MYO5B: variants seen among roughly 807,000 people sequenced by gnomAD.
MYO5B encodes the protein myosin VB, also known as unconventional myosin-Vb.
Under a neutral mutation model 229.3 loss-of-function variants are expected in MYO5B, and 143 were observed. The observed-to-expected ratio is 0.62, with a 90% CI of 0.54 to 0.72. The LOEUF (loss-of-function observed/expected upper bound fraction) is 0.72, where lower values mean the gene tolerates loss of function less well. MYO5B is among the 30% of genes least tolerant of loss of function. The pLI is 0.00. For missense variants in MYO5B, 2,321 were observed against 2,331.0 expected, an observed-to-expected ratio of 1.00 and a Z score of 0.09; for synonymous variants, 918 against 885.2, an observed-to-expected ratio of 1.04 and a Z score of -0.66.
chr18:50,144,075 T>A (rs2032461928), intron 1 of MYO5B, among the ~76,000 whole-genome samples: 1 of 152,134 alleles, frequency 6.6e-6, no homozygotes. Context: ...GCATGTAACA[T>A]CACAGTGAGT....
rs1421772459 is a variant in MYO5B, at chr18:49,914,119, T to G, written c.2091-1946A>C. Among the ~76,000 whole-genome samples the G allele has an allele frequency of 7.2e-5, 11 of 152,212 alleles. 1 individual carries two copies. The East Asian group carries it at 2.1e-3, about 30-fold the overall frequency. On this transcript the variant is annotated intron_variant, in intron 17 of 39. Transcript: ENST00000285039. Reference sequence around the variant, plus strand: ...GGGTACCAAGTGGGCACTGAGCTGGTTAACACTTAAGCCATCCACCGACGG... The same window carrying G: ...GGGTACCAAGTGGGCACTGAGCTGGGTAACACTTAAGCCATCCACCGACGG...
chr18:49,990,354 G>T, intron 7 of MYO5B, 85 bp downstream of exon 7: 3 of 1,143,928 alleles, frequency 2.6e-6, no homozygotes, highest in African/African-American at 1.5e-5. Flanking sequence ...AACCCATGAC[G>T]GAGGGCTTTG....
chr18:49,962,558 G>T, intron 11 of MYO5B, 152 bp from the exon 12 acceptor site: 1 of 1,102,976 alleles, frequency 9.1e-7, no homozygotes, highest in Non-Finnish European at 1.3e-6. Context: ...CTGCAGAAAA[G>T]CAAAGCACAG....
chr18:49,915,143 T>A (rs2024998930), intron 17 of MYO5B, among the ~76,000 whole-genome samples: 1 of 152,176 alleles, frequency 6.6e-6, no homozygotes, highest in Non-Finnish European at 1.5e-5. Context: ...TTTTCCTTTT[T>A]TTTTCCTCTA....
At chr18:50,051,311 A>G (rs2030385996) in intron 2 of MYO5B, among the ~76,000 whole-genome samples, 1 of 152,200 alleles carries the variant, frequency 6.6e-6, no homozygotes, top group South Asian at 2.1e-4. Context: ...AAAAGCTCAC[A>G]TGCTCCCCTG....
At chr18:50,131,120 G>T (rs1049678689) in intron 1 of MYO5B, among the ~76,000 whole-genome samples, 11 of 152,206 alleles carry the variant, frequency 7.2e-5, no homozygotes, top group African/African-American at 2.7e-4. Context: ...ATGACATCTA[G>T]CACGGCACTT....
rs2030782170 is a variant in MYO5B at position 50,064,941 on chromosome 18, T to G, written c.28-9563A>C. Among the ~76,000 whole-genome samples, 4 of 152,220 alleles carry G rather than the reference T, an allele frequency of 2.6e-5. No homozygotes were observed. In the South Asian group the frequency reaches 8.3e-4, roughly 32 times the overall value. On this transcript the variant is annotated intron_variant, in intron 1 of 39. Transcript: ENST00000285039. The stretch of plus-strand genomic sequence containing the variant: ...GAAAGCATAGGAGCACCACTCTTTC[T>G]TAAGAAATAACCTGGGGGAAACTGC...
At position 50,036,957 on chromosome 18, in the gene MYO5B, C is replaced by T; in HGVS notation, c.348G>A (p.Leu116=). 6.2e-7 allele frequency: 1 copy of T among 1,614,106 alleles called. No homozygotes were observed. Among genetic ancestry groups the T allele is most frequent in the South Asian group, 1.1e-5 (1 of 91,076 alleles). Residue 116 remains leucine (L), a synonymous_variant, in exon 4 of 40, where the codon TTG becomes TTA. Transcript: ENST00000285039. ...AGATGACATCTTGTCCATAGATTGG[C>T]AACTGTTCATAAGGATTAATGGCAA... ...VLVAINPYEQ[L]PIYGQDVIYT... is the part of the protein sequence containing the mutation.
chr18:50,018,032 T>C (rs1451619809), intron 4 of MYO5B, among the ~76,000 whole-genome samples: 1 of 152,176 alleles, frequency 6.6e-6, no homozygotes, highest in African/African-American at 2.4e-5. Context: ...ATGGGTCTCT[T>C]TTAAGTGTTT....
intron 1 of MYO5B, among the ~76,000 whole-genome samples, chr18:50,124,339 T>C (rs1432125978): frequency 6.6e-6 from 1 of 152,228 alleles, no homozygotes; most frequent in Non-Finnish European, 1.5e-5. Context: ...TGTGGCTTAT[T>C]TGGTTGAATA....
chr18:49,962,474 C>A (rs1323297199), intron 11 of MYO5B, 68 bp from the exon 12 acceptor site: 2 of 1,603,752 alleles, frequency 1.2e-6, no homozygotes, highest in Admixed American at 1.7e-5. Flanking sequence ...CCCCCAGGGG[C>A]TCAGTGAGTT....
intron 1 of MYO5B, chr18:50,064,370 C>T (rs958100676): frequency 1.3e-5 from 2 of 152,240 alleles, no homozygotes. Context: ...TTCCTCAAAG[C>T]TAATGCATAT....
At chr18:49,936,109 C>A in intron 16 of MYO5B, 143 bp downstream of exon 16, 2 of 735,246 alleles carry the variant, frequency 2.7e-6, no homozygotes, top group Non-Finnish European at 4.8e-6. Flanking sequence ...AGTCTGTCTG[C>A]AGCAAGTAAG....
chr18:50,165,888 A>C (rs1054653860), intron 1 of MYO5B, among the ~76,000 whole-genome samples: 1 of 152,226 alleles, frequency 6.6e-6, no homozygotes, highest in African/African-American at 2.4e-5. Context: ...TTCCTTCCCC[A>C]GGATCACATT....
At chr18:50,008,588 C>A (rs2026128559) in intron 4 of MYO5B, among the ~76,000 whole-genome samples, 1 of 152,110 alleles carries the variant, frequency 6.6e-6, no homozygotes, top group Non-Finnish European at 1.5e-5. Context: ...ACAGGTACAA[C>A]TCTATTTACC....
At chr18:49,906,701 T>C in intron 18 of MYO5B, 71 bp from the exon 19 acceptor site, 1 of 1,350,934 alleles carries the variant, frequency 7.4e-7, no homozygotes, top group South Asian at 1.2e-5. Flanking sequence ...ATACCACCCT[T>C]GTTCTTCCCA....
At chr18:49,838,283 C>T (rs1425643315) in intron 36 of MYO5B, among the ~76,000 whole-genome samples, 6 of 152,152 alleles carry the variant, frequency 3.9e-5, no homozygotes, top group East Asian at 1.9e-4. Flanking sequence ...AGGTATAAAG[C>T]GGTTAAATAA....
intron 34 of MYO5B, 71 bp downstream of exon 34, chr18:49,843,170 G>C (rs2144041338): frequency 1.3e-6 from 2 of 1,594,204 alleles, no homozygotes; most frequent in East Asian, 2.2e-5. Context: ...CCCAGACACA[G>C]AGAAGCAACA....
At chr18:49,941,251 A>C (rs1181186438) in intron 14 of MYO5B, among the ~76,000 whole-genome samples, 1 of 152,188 alleles carries the variant, frequency 6.6e-6, no homozygotes, top group Non-Finnish European at 1.5e-5. Context: ...GCAGTTCCTT[A>C]GTTCCCTGGC....
Sources: allele counts gnomAD v4.1 joint callset (sites outside exome capture counted in the v4.1 genomes callset), GRCh38; gene constraint gnomAD v4.1.1; transcripts MANE v1.5; gene names NCBI Gene and HGNC (gene_info 2026-07-23, HGNC 2026-07-21).